Variants in CDH18 observed in about 807,000 individuals in gnomAD.
CDH18 encodes the protein cadherin-18.
In CDH18, 31 loss-of-function variants were observed where a neutral mutation model predicts 67.9. The ratio of observed to expected loss-of-function variants is 0.46; its 90% confidence interval spans 0.34 to 0.62. The LOEUF is 0.62. Ranked by LOEUF, CDH18 falls within the 20% of genes least tolerant of loss-of-function variation. CDH18 has a pLI of 0.01. For synonymous variants in CDH18, 362 were observed against 347.2 expected, an observed-to-expected ratio of 1.04 and a Z score of -0.48; for missense variants, 890 against 975.5, an observed-to-expected ratio of 0.91 and a Z score of 1.17.
At chr5:19,859,989 G>GGGGGGT (rs143069229) in intron 2 of CDH18, among the ~76,000 whole-genome samples, 1 of 143,148 alleles carries the variant, frequency 7.0e-6, no homozygotes, top group African/African-American at 2.6e-5. Flanking sequence ...GTTTGCTTTG[G>GGGGGGT]GTGTGTGTGT....
chr5:19,957,967 A>C (rs1460700767), intron 2 of CDH18, among the ~76,000 whole-genome samples: 1 of 152,106 alleles, frequency 6.6e-6, no homozygotes, highest in Non-Finnish European at 1.5e-5. Context: ...TTTATGACCA[A>C]GTATAACAGA....
chr5:20,213,400 G>C (rs1323483089), intron 2 of CDH18, among the ~76,000 whole-genome samples: 3 of 152,124 alleles, frequency 2.0e-5, no homozygotes, highest in Non-Finnish European at 1.5e-5. Flanking sequence ...CTCACAGAAG[G>C]AGTTAGGGAG....
At chr5:20,419,406 C>T (rs1341354412) in intron 1 of CDH18, among the ~76,000 whole-genome samples, 3 of 148,716 alleles carry the variant, frequency 2.0e-5, no homozygotes, top group African/African-American at 4.9e-5. Context: ...GCCTCCAGAA[C>T]TGTGAGAAAT....
chr5:19,958,882 TCA>T (rs1361791198), intron 2 of CDH18, among the ~76,000 whole-genome samples: 2 of 152,024 alleles, frequency 1.3e-5, no homozygotes, highest in African/African-American at 4.8e-5. Context: ...CTTCATCAGG[TCA>T]TTGGTGACAG....
At chr5:19,641,644 C>A (rs573112840) in intron 5 of CDH18, among the ~76,000 whole-genome samples, 26 of 151,972 alleles carry the variant, frequency 1.7e-4, no homozygotes, top group African/African-American at 5.8e-4. Context: ...CAGTAAAATT[C>A]TCTCAACAAA....
intron 1 of CDH18, among the ~76,000 whole-genome samples, chr5:20,292,049 CT>C (rs1228865332): frequency 1.3e-5 from 2 of 152,260 alleles, no homozygotes; most frequent in Non-Finnish European, 1.5e-5. Flanking sequence ...TTTAAGTGGC[CT>C]CCTCGGCTGA....
At chr5:20,249,443 C>G (rs1007759937) in intron 2 of CDH18, among the ~76,000 whole-genome samples, 3 of 140,610 alleles carry the variant, frequency 2.1e-5, no homozygotes, top group Non-Finnish European at 4.5e-5. Context: ...AGTTCAGTGG[C>G]GCGATATTGG....
chr5:20,034,491 A>C (rs1739667927), intron 2 of CDH18, among the ~76,000 whole-genome samples: 1 of 152,014 alleles, frequency 6.6e-6, no homozygotes, highest in Non-Finnish European at 1.5e-5. Flanking sequence ...CATCAGTAAG[A>C]ATATTTATGG....
chr5:19,558,532 T>C (rs1267720916), intron 8 of CDH18, among the ~76,000 whole-genome samples: 2 of 151,764 alleles, frequency 1.3e-5, no homozygotes. Flanking sequence ...GCACATAAAA[T>C]AGAAAACCAA....
chr5:20,205,753 C>G (rs946438925), intron 2 of CDH18, among the ~76,000 whole-genome samples: 1 of 151,756 alleles, frequency 6.6e-6, no homozygotes, highest in Non-Finnish European at 1.5e-5. Flanking sequence ...ACAACATGCT[C>G]CTGAATGACT....
chr5:19,574,663 G>A (rs1742012197), intron 7 of CDH18, among the ~76,000 whole-genome samples: 1 of 151,930 alleles, frequency 6.6e-6, no homozygotes, highest in South Asian at 2.1e-4. Context: ...GTAACTCTGG[G>A]AAAACTACTC....
chr5:19,943,703 G>C (rs138421039), intron 2 of CDH18, among the ~76,000 whole-genome samples: 349 of 151,902 alleles, frequency 2.3e-3, no homozygotes, highest in African/African-American at 7.8e-3. Context: ...AAAAACACTC[G>C]AATATCCTGA....
intron 2 of CDH18, among the ~76,000 whole-genome samples, chr5:19,962,419 T>C (rs906144263): frequency 3.0e-5 from 4 of 135,050 alleles, no homozygotes; most frequent in Non-Finnish European, 6.5e-5. Context: ...CCTTTAAGAA[T>C]ATTTGACATA....
chr5:19,620,621 A>C (rs1158252844), intron 5 of CDH18, among the ~76,000 whole-genome samples: 1 of 152,218 alleles, frequency 6.6e-6, no homozygotes, highest in African/African-American at 2.4e-5. Context: ...TCACTATCTA[A>C]GAATTTGAAA....
Position 20,304,021 on chromosome 5 carries a change from A to C in CDH18, c.-579-48516T>G, listed in dbSNP as rs10472399. Reference sequence around the variant, plus strand: ...GTGGAAGAAGCAGCAACTTGGCAATAATTCCGCAGCCGACTTCGCGTGTTC... The same window carrying C: ...GTGGAAGAAGCAGCAACTTGGCAATCATTCCGCAGCCGACTTCGCGTGTTC... On this transcript the variant is annotated intron_variant, in intron 1 of 14. Coordinates refer to the CDH18 transcript ENST00000507958. The C allele has an allele frequency of 3.0e-3, 4,143 of 1,372,768 alleles. 102 individuals are homozygous for C. The African/African-American group carries it at 0.052, about 17-fold the overall frequency. 85.0% of individuals were successfully genotyped at this position (1,372,768 alleles called of 1,614,324 possible). A position where few individuals can be genotyped will look rare whatever the true frequency, so the allele number is the denominator to read the frequency against.
intron 2 of CDH18, among the ~76,000 whole-genome samples, chr5:20,011,113 A>G (rs1168631900): frequency 6.6e-6 from 1 of 152,106 alleles, no homozygotes; most frequent in African/African-American, 2.4e-5. Flanking sequence ...TCTCCCCTAA[A>G]TCAAAATAAT....
intron 5 of CDH18, among the ~76,000 whole-genome samples, chr5:19,648,391 G>T (rs1484172554): frequency 6.6e-6 from 1 of 151,750 alleles, no homozygotes; most frequent in Non-Finnish European, 1.5e-5. Context: ...CTCCAGCCTG[G>T]GCAACAGAGC....
chr5:19,588,812 A>G lies in CDH18; in HGVS notation c.999+2245T>C, dbSNP rs1035134260. ...TCGAAAAAGACAAAAAAAGAGCATT[A>G]CATAATGGTAAAGGGTTCAATTCAA... On this transcript the variant is annotated intron_variant, in intron 7 of 12. Coordinates refer to ENST00000382275, the MANE Select transcript of CDH18 (RefSeq NM_004934.5). 2.6e-5 allele frequency among the ~76,000 whole-genome samples: 4 copies of G among 152,136 alleles called. No homozygotes were observed. The East Asian group carries it at 5.8e-4, about 22-fold the overall frequency.
At chr5:20,490,885 T>A (rs1330610429) in intron 1 of CDH18, among the ~76,000 whole-genome samples, 3 of 152,162 alleles carry the variant, frequency 2.0e-5, no homozygotes, top group Non-Finnish European at 4.4e-5. Flanking sequence ...GCTCTTCTCA[T>A]AATTACCTTC....
Sources: gnomAD v4.1 joint callset for allele counts (sites outside exome capture counted in the v4.1 genomes callset) on GRCh38, gnomAD v4.1.1 for gene constraint, MANE v1.5 for transcripts, NCBI Gene and HGNC (gene_info 2026-07-23, HGNC 2026-07-21) for gene names.